GAS2: variants seen among roughly 807,000 people sequenced by gnomAD.
GAS2 encodes growth arrest-specific protein 2.
In GAS2, 20 loss-of-function variants were observed where a neutral mutation model predicts 37.5. The ratio of observed to expected loss-of-function variants is 0.53; its 90% CI spans 0.37 to 0.77. The LOEUF is 0.77. Ranked by LOEUF, GAS2 falls within the 30% of genes least tolerant of loss-of-function variation. GAS2 has a pLI of 0.00. For synonymous variants in GAS2, 144 were observed against 132.2 expected (o/e 1.09, Z -0.61); for missense variants, 336 against 373.4 (o/e 0.90, Z 0.82).
At chr11:22,745,118 CAAA>C (rs142582542) in intron 5 of GAS2, among the ~76,000 whole-genome samples, 4 of 129,018 alleles carry the variant, frequency 3.1e-5, no homozygotes, top group Admixed American at 7.9e-5. Flanking sequence ...CATTTGGAAC[CAAA>C]AAAAAAAAAA....
chr11:22,731,487 T>G (rs898506444), intron 4 of GAS2: 4 of 243,524 alleles, frequency 1.6e-5, no homozygotes, highest in African/African-American at 9.3e-5. Flanking sequence ...GTGTTTGCTG[T>G]GTGGTACTGT....
chr11:22,785,112 G>A (rs932392324), intron 7 of GAS2, among the ~76,000 whole-genome samples: 5 of 152,134 alleles, frequency 3.3e-5, no homozygotes, highest in Non-Finnish European at 4.4e-5. Flanking sequence ...CTTGGTCTGT[G>A]TGAGTCGTGG....
intron 7 of GAS2, among the ~76,000 whole-genome samples, chr11:22,782,489 G>T (rs1305680028): frequency 6.6e-6 from 1 of 152,012 alleles, no homozygotes; most frequent in Non-Finnish European, 1.5e-5. Context: ...TGAGGTTGGG[G>T]TATGACTTGA....
intron 1 of GAS2, 114 bp downstream of exon 1, chr11:22,667,013 G>C (rs781752742): frequency 2.0e-5 from 3 of 152,276 alleles, no homozygotes; most frequent in Non-Finnish European, 4.4e-5. Context: ...CGGCGGGGGA[G>C]GGGAGAGGTC....
At chr11:22,790,623 T>G (rs1215506758) in intron 7 of GAS2, among the ~76,000 whole-genome samples, 1 of 142,558 alleles carries the variant, frequency 7.0e-6, no homozygotes, top group African/African-American at 2.6e-5. Flanking sequence ...AGAGTCTCGC[T>G]CAGTCACCAG....
chr11:22,755,571 A>C, intron 6 of GAS2: 1 of 282,062 alleles, frequency 3.5e-6, no homozygotes, highest in Non-Finnish European at 6.7e-6. Flanking sequence ...TGTATAGTCT[A>C]TAATTTCAGT....
chr11:22,651,934 C>T (rs991856880), intron 1 of GAS2, among the ~76,000 whole-genome samples: 2 of 152,214 alleles, frequency 1.3e-5, no homozygotes, highest in Non-Finnish European at 2.9e-5. Context: ...AAGTCATTCT[C>T]CATCCAGCTT....
intron 7 of GAS2, among the ~76,000 whole-genome samples, chr11:22,801,385 T>C (rs1713862475): frequency 6.6e-6 from 1 of 151,970 alleles, no homozygotes; most frequent in African/African-American, 2.4e-5. Context: ...TTCAACTTAT[T>C]TTTCCCCTTT....
rs1000566687 is a variant in GAS2, at chr11:22,696,497, A to G, written c.267+10708A>G. On this transcript the variant is annotated intron_variant, in intron 3 of 7. Coordinates refer to ENST00000454584, the MANE Select transcript of GAS2 (RefSeq NM_001143830.3). The stretch of plus-strand genomic sequence containing the variant: ...TGGGTCAAATGGTATTTCTAGTTCT[A>G]GATCCCTGAGGAATCGCCACACTGA... Among the ~76,000 whole-genome samples, 59 of 152,134 alleles carry G rather than the reference A, an allele frequency of 3.9e-4. No homozygotes were observed. The South Asian group carries it at 5.2e-3, about 13-fold the overall frequency.
At chr11:22,761,312 A>C (rs1397377023) in intron 7 of GAS2, among the ~76,000 whole-genome samples, 1 of 152,128 alleles carries the variant, frequency 6.6e-6, no homozygotes, top group Admixed American at 6.5e-5. Context: ...ATCTGTGCTA[A>C]TTTATGAAAT....
intron 7 of GAS2, among the ~76,000 whole-genome samples, chr11:22,793,149 C>G (rs1419258837): frequency 6.6e-6 from 1 of 152,098 alleles, no homozygotes; most frequent in Non-Finnish European, 1.5e-5. Flanking sequence ...TGCCACACAC[C>G]TGTAATCCCA....
In GAS2 at chr11:22,804,018, T is replaced by C. The variant is rs77866743; in HGVS notation, c.724-7780T>C. ...AGATGCATGTAACAGTGAAATCACC[T>C]GGAAACTAAACAGTACACAGAAAGG... is the stretch of plus-strand genomic sequence containing the variant. On this transcript the variant is annotated intron_variant, in intron 7 of 7. Coordinates refer to ENST00000454584, the MANE Select transcript of GAS2 (RefSeq NM_001143830.3). Among the ~76,000 whole-genome samples the C allele has an allele frequency of 5.3e-3, 807 of 152,158 alleles. 12 individuals are homozygous for C. The highest frequency in any genetic ancestry group is 0.039 in the East Asian group (199 of 5,168).
At chr11:22,811,737 T>TTC (rs1857178823) in intron 7 of GAS2, 61 bp from the exon 8 acceptor site, 4 of 1,474,852 alleles carry the variant, frequency 2.7e-6, no homozygotes, top group Non-Finnish European at 3.8e-6. Flanking sequence ...GAACCAGGGG[T>TTC]TGATTCAAGG....
chr11:22,801,136 C>T (rs186680338), intron 7 of GAS2, among the ~76,000 whole-genome samples: 1 of 152,076 alleles, frequency 6.6e-6, no homozygotes, highest in Non-Finnish European at 1.5e-5. Context: ...GCTTTAAGTT[C>T]TTACCTCCAT....
Position 22,737,690 on chromosome 11 carries a change from T to C in GAS2, c.410-15T>C. On this transcript the variant is annotated splice_polypyrimidine_tract_variant and intron_variant, in intron 4 of 7. Coordinates refer to ENST00000454584, the MANE Select transcript of GAS2 (RefSeq NM_001143830.3). ...CTTCTATTGTAAAGGTGTTCGCCTC[T>C]GTCTTGTCTTTCAGTCCTCCACAAG... The C allele has an allele frequency of 6.2e-7, 1 of 1,613,970 alleles. No homozygotes were observed. The highest frequency in any genetic ancestry group is 8.5e-7 in the Non-Finnish European group (1 of 1,179,814).
intron 3 of GAS2, among the ~76,000 whole-genome samples, chr11:22,693,459 A>C (rs1477330782): frequency 6.6e-6 from 1 of 152,200 alleles, no homozygotes; most frequent in Non-Finnish European, 1.5e-5. Context: ...GATGTGGTAG[A>C]AGTCACTTTT....
intron 7 of GAS2, among the ~76,000 whole-genome samples, chr11:22,777,078 A>G (rs551347926): frequency 6.6e-6 from 1 of 152,310 alleles, no homozygotes; most frequent in Non-Finnish European, 1.5e-5. Flanking sequence ...CTATATGGAA[A>G]ACATTAGCTG....
intron 1 of GAS2, among the ~76,000 whole-genome samples, chr11:22,646,808 ACTT>A (rs1848700464): frequency 1.3e-5 from 2 of 149,402 alleles, no homozygotes; most frequent in African/African-American, 4.9e-5. Flanking sequence ...ATTCTTATAA[ACTT>A]CTCTCCCTCC....
chr11:22,649,795 G>A (rs1276068395), intron 1 of GAS2, among the ~76,000 whole-genome samples: 1 of 151,762 alleles, frequency 6.6e-6, no homozygotes, highest in African/African-American at 2.4e-5. Context: ...GCGTCTATTT[G>A]ATTCTTCTCT....
Sources: gnomAD v4.1 joint callset for allele counts (sites outside exome capture counted in the v4.1 genomes callset) on GRCh38, gnomAD v4.1.1 for gene constraint, MANE v1.5 for transcripts, NCBI Gene and HGNC (gene_info 2026-07-23, HGNC 2026-07-21) for gene names.